The following MAN1A2 variants were observed in gnomAD, a reference collection of about 807,000 sequenced individuals.
MAN1A2 encodes the protein mannosyl-oligosaccharide 1,2-alpha-mannosidase IB.
Under a neutral mutation model 75.7 loss-of-function variants are expected in MAN1A2, and 26 were observed. That is an observed-to-expected ratio of 0.34 (90% CI 0.25 to 0.48). MAN1A2 has a LOEUF of 0.48. Ranked by LOEUF, MAN1A2 falls within the 20% of genes least tolerant of loss-of-function variation. The pLI is 0.99. For synonymous variants in MAN1A2, 247 were observed against 264.6 expected (o/e 0.93, Z 0.65); for missense variants, 562 against 775.5 (o/e 0.72, Z 3.27).
At chr1:117,369,506 C>T (rs1235569178) in intron 1 of MAN1A2, among the ~76,000 whole-genome samples, 2 of 152,158 alleles carry the variant, frequency 1.3e-5, no homozygotes, top group Admixed American at 6.5e-5. Context: ...CTTAGGTTCA[C>T]GTGTAAGCCT....
At chr1:117,434,790 TG>T (rs1648797796) in intron 5 of MAN1A2, among the ~76,000 whole-genome samples, 2 of 148,826 alleles carry the variant, frequency 1.3e-5, no homozygotes, top group Non-Finnish European at 3.0e-5. Flanking sequence ...TGTGTGTGTG[TG>T]TGTGTATCCA....
chr1:117,471,750 T>G (rs915743992), intron 8 of MAN1A2, among the ~76,000 whole-genome samples: 1 of 151,940 alleles, frequency 6.6e-6, no homozygotes, highest in African/African-American at 2.4e-5. Context: ...TGTTTTAATA[T>G]GATTTGTTAT....
At chr1:117,380,905 G>A (rs1653314245) in intron 1 of MAN1A2, among the ~76,000 whole-genome samples, 2 of 152,160 alleles carry the variant, frequency 1.3e-5, no homozygotes, top group South Asian at 4.1e-4. Flanking sequence ...AAAAATGACT[G>A]TTGGAATTTT....
chr1:117,500,671 G>A (rs1185079982), intron 11 of MAN1A2, among the ~76,000 whole-genome samples: 1 of 151,848 alleles, frequency 6.6e-6, no homozygotes, highest in Non-Finnish European at 1.5e-5. Flanking sequence ...GAAACAAGTG[G>A]TTACACAGGA....
chr1:117,453,176 A>G (rs1649476902), intron 6 of MAN1A2, among the ~76,000 whole-genome samples: 1 of 152,186 alleles, frequency 6.6e-6, no homozygotes, highest in Admixed American at 6.6e-5. Flanking sequence ...TACAGTGAAG[A>G]TGCCCAAGAT....
At chr1:117,450,276 A>G (rs1053888109) in intron 6 of MAN1A2, among the ~76,000 whole-genome samples, 1 of 152,172 alleles carries the variant, frequency 6.6e-6, no homozygotes, top group Non-Finnish European at 1.5e-5. Context: ...TGCCCTAGAG[A>G]TGTGTGGAGC....
At position 117,376,733 on chromosome 1, in the gene MAN1A2, A is replaced by G. The variant is rs147902740; in HGVS notation, c.302+8248A>G. ...TTGGCCCTCTGTATCCATAGGTTCC[A>G]CATGTGTGGATTCAACCAACTGCAG... On this transcript the variant is annotated intron_variant, in intron 1 of 12. Transcript: ENST00000356554. Among the ~76,000 whole-genome samples, 497 of 152,386 alleles carry G rather than the reference A, an allele frequency of 3.3e-3. 1 individual carries two copies. The highest frequency in any genetic ancestry group is 6.8e-3 in the Middle Eastern group (2 of 294).
chr1:117,516,664 C>T (rs1324897202), intron 12 of MAN1A2, among the ~76,000 whole-genome samples: 1 of 152,094 alleles, frequency 6.6e-6, no homozygotes, highest in Non-Finnish European at 1.5e-5. Flanking sequence ...ACAGTAATCT[C>T]TGAGAAACAG....
intron 12 of MAN1A2, among the ~76,000 whole-genome samples, chr1:117,522,595 T>G (rs545034476): frequency 6.6e-6 from 1 of 151,938 alleles, no homozygotes; most frequent in South Asian, 2.1e-4. Context: ...TTTTAAACTG[T>G]TTTATTTCAG....
intron 6 of MAN1A2, among the ~76,000 whole-genome samples, chr1:117,446,789 G>A (rs1037023193): frequency 3.9e-5 from 6 of 152,062 alleles, no homozygotes; most frequent in Non-Finnish European, 8.8e-5. Context: ...GGTTAAGGTG[G>A]TTAATGGTGT....
chr1:117,518,651 T>C (rs1393860416), intron 12 of MAN1A2, among the ~76,000 whole-genome samples: 1 of 151,968 alleles, frequency 6.6e-6, no homozygotes, highest in Non-Finnish European at 1.5e-5. Flanking sequence ...CCTAAACATA[T>C]ATGCACCTAA....
rs1254073477 is a variant in MAN1A2, at chr1:117,466,376, A to G, written c.1117A>G (p.Asn373Asp). ...ACTACTTCAGAAAATGGATCGTCCA[A>G]ATGGTCTTTATCCAAATTATTTGAA... ...RKLLQKMDRP[N>D]GLYPNYLNPR... Residue 373 changes from asparagine (N) to aspartate (D), a missense_variant, in exon 8 of 13, where the codon AAT becomes GAT. Coordinates refer to ENST00000356554, the MANE Select transcript of MAN1A2 (RefSeq NM_006699.5). 7 of 1,612,272 alleles carry G rather than the reference A, an allele frequency of 4.3e-6. No individual in the cohort carries two copies. Among genetic ancestry groups the G allele is most frequent in the Middle Eastern group, 1.7e-4 (1 of 6,054 alleles).
chr1:117,515,845 G>A (rs1270526011), intron 12 of MAN1A2: 1 of 152,058 alleles, frequency 6.6e-6, no homozygotes, highest in African/African-American at 2.4e-5. Flanking sequence ...TTTTAGTTTT[G>A]CAAAGAACAG....
At chr1:117,426,265 T>C (rs1050872533) in intron 5 of MAN1A2, among the ~76,000 whole-genome samples, 3 of 152,108 alleles carry the variant, frequency 2.0e-5, no homozygotes, top group African/African-American at 7.2e-5. Context: ...TATTTTGTTT[T>C]GTATGAAGAG....
intron 5 of MAN1A2, among the ~76,000 whole-genome samples, chr1:117,439,901 G>A (rs1456106367): frequency 6.6e-6 from 1 of 152,154 alleles, no homozygotes. Flanking sequence ...CATATATGGA[G>A]GGCAAATTGG....
intron 5 of MAN1A2, among the ~76,000 whole-genome samples, chr1:117,431,028 T>C (rs74985053): frequency 1 from 118,548 of 119,108 alleles, 59,000 homozygotes; most frequent in East Asian, 1. Flanking sequence ...GCCAACACAG[T>C]GAAACCCCGT....
At position 117,469,097 on chromosome 1, in the gene MAN1A2, C is replaced by T. The variant is rs551578659; in HGVS notation, c.1168+2670C>T. 7.2e-4 allele frequency among the ~76,000 whole-genome samples: 109 copies of T among 152,132 alleles called. 1 individual carries two copies. Among genetic ancestry groups the T allele is most frequent in the African/African-American group, 2.6e-3 (108 of 41,514 alleles). ...TGGAGGCAGGAGAGTCACTTGAACC[C>T]AGGAGGTGGAGGTTGCAGTGAACCG... On this transcript the variant is annotated intron_variant, in intron 8 of 12. Coordinates refer to ENST00000356554, the MANE Select transcript of MAN1A2 (RefSeq NM_006699.5).
intron 8 of MAN1A2, among the ~76,000 whole-genome samples, chr1:117,483,924 A>G (rs1650582100): frequency 6.6e-6 from 1 of 152,004 alleles, no homozygotes; most frequent in Admixed American, 6.6e-5. Flanking sequence ...TACCTAGTTT[A>G]TCACTGGTAT....
intron 7 of MAN1A2, among the ~76,000 whole-genome samples, chr1:117,461,335 T>C (rs973451794): frequency 6.6e-6 from 1 of 152,152 alleles, no homozygotes. Flanking sequence ...CATTCATATG[T>C]GGGAGCTAAA....
Sources: allele counts gnomAD v4.1 joint callset (sites outside exome capture counted in the v4.1 genomes callset), GRCh38; gene constraint gnomAD v4.1.1; transcripts MANE v1.5; gene names NCBI Gene and HGNC (gene_info 2026-07-23, HGNC 2026-07-21).